Variants in IL1RAPL1 observed in about 807,000 individuals in gnomAD.
IL1RAPL1 encodes the protein interleukin 1 receptor accessory protein like 1, also known as interleukin-1 receptor accessory protein-like 1.
A neutral mutation model predicts 48.4 loss-of-function variants in IL1RAPL1; 3 were observed. That is an observed-to-expected ratio of 0.06 (90% CI 0.03 to 0.16). The LOEUF (loss-of-function observed/expected upper bound fraction) is 0.16. Ranked by LOEUF, IL1RAPL1 falls within the 10% of genes least tolerant of loss-of-function variation. IL1RAPL1 has a pLI of 1.00. For synonymous variants in IL1RAPL1, 185 were observed against 187.7 expected (o/e 0.99, Z 0.12); for missense variants, 349 against 530.6 (o/e 0.66, Z 3.36).
At chrX:28,975,919 C>T (rs1327196217) in intron 2 of IL1RAPL1, among the ~76,000 whole-genome samples, 1 of 111,346 alleles carries the variant, frequency 9.0e-6, no homozygotes, top group Non-Finnish European at 1.9e-5. Flanking sequence ...CAGGGAAGAG[C>T]ATCCCAAATG....
rs183099101 is a variant in IL1RAPL1, at chrX:28,644,084, T to C, written c.-25+56037T>C. Among the ~76,000 whole-genome samples, 5 of 111,130 alleles carry C rather than the reference T, an allele frequency of 4.5e-5. No homozygotes were observed. In the Admixed American group the frequency reaches 4.8e-4, roughly 11 times the overall value. On this transcript the variant is annotated intron_variant, in intron 1 of 10. Coordinates refer to ENST00000378993, the MANE Select transcript of IL1RAPL1 (RefSeq NM_014271.4). ...TGGAGGGAGAGAGACAAATATGTTC[T>C]CTTGTTCAGAAAATAAGTTTTTTTC...
intron 2 of IL1RAPL1, among the ~76,000 whole-genome samples, chrX:28,894,982 G>A (rs1192907674): frequency 9.0e-6 from 1 of 110,989 alleles, no homozygotes; most frequent in South Asian, 3.8e-4. Context: ...TGTCTGTGAA[G>A]CTTTGCGGCA....
At chrX:29,788,531 G>A (rs1051629900) in intron 6 of IL1RAPL1, among the ~76,000 whole-genome samples, 2 of 110,739 alleles carry the variant, frequency 1.8e-5, no homozygotes, top group Non-Finnish European at 3.8e-5. Flanking sequence ...CTTTCATTTT[G>A]TGATAATTGT....
At chrX:29,780,061 T>C (rs1430707952) in intron 6 of IL1RAPL1, among the ~76,000 whole-genome samples, 1 of 110,699 alleles carries the variant, frequency 9.0e-6, no homozygotes, top group Non-Finnish European at 1.9e-5. Flanking sequence ...TATTTTTAGC[T>C]ACACTGATTT....
chrX:29,645,920 G>T (rs140885520), intron 5 of IL1RAPL1, among the ~76,000 whole-genome samples: 11,256 of 111,821 alleles, frequency 0.1, 484 homozygotes, highest in Middle Eastern at 0.21. Flanking sequence ...AACCATACCG[G>T]ACAACCTTTT....
intron 6 of IL1RAPL1, among the ~76,000 whole-genome samples, chrX:29,775,149 G>C (rs147443943): frequency 0.022 from 2,456 of 111,531 alleles, 73 homozygotes; most frequent in African/African-American, 0.076. Flanking sequence ...CTATGAGCTT[G>C]AGAGAGTCGT....
chrX:29,428,683 T>C (rs1179429838), intron 5 of IL1RAPL1, among the ~76,000 whole-genome samples: 5 of 111,711 alleles, frequency 4.5e-5, no homozygotes, highest in African/African-American at 1.6e-4. Context: ...CCTGAAGAAA[T>C]TGTGTCCCAT....
intron 5 of IL1RAPL1, among the ~76,000 whole-genome samples, chrX:29,510,703 C>T (rs1935384638): frequency 9.0e-6 from 1 of 111,558 alleles, no homozygotes; most frequent in African/African-American, 3.3e-5. Context: ...TCACAAACTA[C>T]CATGCCATCC....
intron 6 of IL1RAPL1, among the ~76,000 whole-genome samples, chrX:29,830,398 T>C (rs1028749410): frequency 1.8e-5 from 2 of 111,330 alleles, no homozygotes; most frequent in Non-Finnish European, 3.8e-5. Context: ...TATATTTTCT[T>C]ATTTTTCTGT....
intron 2 of IL1RAPL1, among the ~76,000 whole-genome samples, chrX:29,043,673 G>A (rs749098834): frequency 3.6e-4 from 40 of 111,473 alleles, no homozygotes; most frequent in Admixed American, 8.6e-4. Flanking sequence ...GAATGCCAAT[G>A]ACCTTCATTG....
At chrX:29,625,771 T>C (rs1924600120) in intron 5 of IL1RAPL1, among the ~76,000 whole-genome samples, 2 of 112,273 alleles carry the variant, frequency 1.8e-5, no homozygotes, top group Admixed American at 9.5e-5. Context: ...GGATGCCTTA[T>C]TTATCATTGG....
intron 2 of IL1RAPL1, among the ~76,000 whole-genome samples, chrX:28,899,825 T>C (rs914781450): frequency 3.8e-4 from 42 of 110,398 alleles, no homozygotes; most frequent in African/African-American, 1.3e-3. Context: ...GAGAAGAGAG[T>C]TGTGGGCTGG....
At chrX:29,180,426 G>T (rs1930120905) in intron 2 of IL1RAPL1, among the ~76,000 whole-genome samples, 1 of 109,764 alleles carries the variant, frequency 9.1e-6, no homozygotes. Flanking sequence ...GCCCAGGCTG[G>T]AGTGCAATGG....
Position 29,396,303 on chromosome X carries a change from T to C in IL1RAPL1, c.408T>C (p.Gly136=), listed in dbSNP as rs1397912387. The C allele has an allele frequency of 1.2e-5, 15 of 1,205,804 alleles. No individual in the cohort carries two copies. The highest frequency in any genetic ancestry group is 1.7e-5 in the Non-Finnish European group (15 of 891,144). The change falls in exon 4 of 11, where the codon GGT becomes GGC. Residue 136 remains glycine (G), a synonymous_variant. Transcript: ENST00000378993. ...AAGTATCCATCTCACTGACAGTGGGTGAAAATGACACTGGACTCTGCTATA... is the reference window on the plus strand; with the variant it reads ...AAGTATCCATCTCACTGACAGTGGGCGAAAATGACACTGGACTCTGCTATA... ...CMKVSISLTV[G]ENDTGLCYNS...
At chrX:28,689,172 G>A (rs1296704665) in intron 1 of IL1RAPL1, among the ~76,000 whole-genome samples, 1 of 110,731 alleles carries the variant, frequency 9.0e-6, no homozygotes, top group African/African-American at 3.3e-5. Context: ...GAAATTTGCT[G>A]CCCCCATGTT....
chrX:29,517,754 T>C (rs1474955492), intron 5 of IL1RAPL1, among the ~76,000 whole-genome samples: 1 of 112,027 alleles, frequency 8.9e-6, no homozygotes, highest in Non-Finnish European at 1.9e-5. Context: ...GCTCCTTCCA[T>C]TAGTGCTAAT....
chrX:28,652,604 G>C (rs926733185), intron 1 of IL1RAPL1, among the ~76,000 whole-genome samples: 1 of 111,877 alleles, frequency 8.9e-6, no homozygotes, highest in Non-Finnish European at 1.9e-5. Flanking sequence ...CAATGCTGAC[G>C]GGGGACCACA....
chrX:29,771,408 C>T (rs140632137), intron 6 of IL1RAPL1, among the ~76,000 whole-genome samples: 5 of 112,002 alleles, frequency 4.5e-5, no homozygotes, highest in South Asian at 7.4e-4. Flanking sequence ...AATATCTGCA[C>T]GTGAAATCAG....
At chrX:28,659,069 C>T in intron 1 of IL1RAPL1, 1 of 677,653 alleles carries the variant, frequency 1.5e-6, no homozygotes, top group East Asian at 3.3e-5. Context: ...TTCTTAAGCA[C>T]GTTCTCCACG....
Sources: allele counts gnomAD v4.1 joint callset (sites outside exome capture counted in the v4.1 genomes callset), GRCh38; gene constraint gnomAD v4.1.1; transcripts MANE v1.5; gene names NCBI Gene and HGNC (gene_info 2026-07-23, HGNC 2026-07-21).